NRXN1: variants seen among roughly 807,000 people sequenced by gnomAD.
NRXN1 encodes neurexin-1.
In NRXN1, 39 loss-of-function variants were observed where a neutral mutation model predicts 150.9. That is an observed-to-expected ratio of 0.26 (90% CI 0.20 to 0.34). NRXN1 has a LOEUF of 0.34. Ranked by LOEUF, NRXN1 falls within the 10% of genes least tolerant of loss-of-function variation. The pLI is 1.00. For synonymous variants in NRXN1, 924 were observed against 757.0 expected (o/e 1.22, Z -3.62); for missense variants, 1,815 against 1,949.9 (o/e 0.93, Z 1.30).
chr2:50,325,002 G>A (rs979393681), intron 17 of NRXN1, among the ~76,000 whole-genome samples: 1 of 152,046 alleles, frequency 6.6e-6, no homozygotes, highest in African/African-American at 2.4e-5. Context: ...GCCCACCATG[G>A]GTTTAAAAAT....
At chr2:50,307,114 A>G (rs966636268) in intron 17 of NRXN1, among the ~76,000 whole-genome samples, 1 of 152,126 alleles carries the variant, frequency 6.6e-6, no homozygotes, top group Middle Eastern at 3.4e-3. Flanking sequence ...CCTCCTGAGC[A>G]TCTGGGACTA....
At chr2:50,457,548 G>T (rs2087696714) in intron 17 of NRXN1, among the ~76,000 whole-genome samples, 4 of 152,028 alleles carry the variant, frequency 2.6e-5, no homozygotes, top group Admixed American at 2.6e-4. Context: ...GAAAATATTT[G>T]CAGACTATTA....
At chr2:50,241,914 C>T (rs965879966) in intron 17 of NRXN1, among the ~76,000 whole-genome samples, 1 of 151,748 alleles carries the variant, frequency 6.6e-6, no homozygotes, top group African/African-American at 2.4e-5. Flanking sequence ...TCAGCATGTA[C>T]AGGTCTGCTC....
chr2:50,361,093 C>G (rs2079155587), intron 17 of NRXN1, among the ~76,000 whole-genome samples: 1 of 152,178 alleles, frequency 6.6e-6, no homozygotes, highest in Non-Finnish European at 1.5e-5. Flanking sequence ...GTACCAGCAT[C>G]TCTAGGACAC....
chr2:50,961,412 A>G (rs532358961), intron 2 of NRXN1, among the ~76,000 whole-genome samples: 168 of 151,922 alleles, frequency 1.1e-3, no homozygotes, highest in African/African-American at 4.0e-3. Context: ...TATATATGAG[A>G]TGGATCCATC....
chr2:50,614,541 A>G (rs982913744), intron 8 of NRXN1, among the ~76,000 whole-genome samples: 1 of 151,624 alleles, frequency 6.6e-6, no homozygotes, highest in Non-Finnish European at 1.5e-5. Context: ...AATGTAAATG[A>G]CGAGTTAATG....
chr2:50,293,338 A>G (rs977783346), intron 17 of NRXN1, among the ~76,000 whole-genome samples: 1 of 152,148 alleles, frequency 6.6e-6, no homozygotes, highest in African/African-American at 2.4e-5. Context: ...AGTGCCTTTC[A>G]TATTCACATA....
At chr2:50,654,858 A>G (rs1047836524) in intron 5 of NRXN1, among the ~76,000 whole-genome samples, 3 of 151,916 alleles carry the variant, frequency 2.0e-5, no homozygotes, top group Non-Finnish European at 4.4e-5. Context: ...ATATCCTTCA[A>G]TCTAATCAGT....
intron 22 of NRXN1, among the ~76,000 whole-genome samples, chr2:49,940,417 G>A (rs542273419): frequency 6.6e-6 from 1 of 152,154 alleles, no homozygotes; most frequent in Non-Finnish European, 1.5e-5. Context: ...AACAGCAGCA[G>A]CTACAATTAT....
At chr2:50,794,864 T>C (rs183462520) in intron 5 of NRXN1, among the ~76,000 whole-genome samples, 1 of 152,256 alleles carries the variant, frequency 6.6e-6, no homozygotes, top group Admixed American at 6.5e-5. Flanking sequence ...GTCAATATTA[T>C]GGCTGAAAAC....
chr2:50,829,537 A>T, intron 5 of NRXN1: 2 of 1,610,582 alleles, frequency 1.2e-6, no homozygotes. Context: ...ATGGCCTTAT[A>T]AGGGATCTTA....
chr2:50,056,513 C>A (rs949489064), intron 19 of NRXN1, among the ~76,000 whole-genome samples: 2 of 152,010 alleles, frequency 1.3e-5, no homozygotes, highest in Non-Finnish European at 1.5e-5. Flanking sequence ...TCTGTGATCA[C>A]TAAAACATTG....
chr2:50,485,936 A>C (rs1334908828), intron 15 of NRXN1, among the ~76,000 whole-genome samples: 1 of 152,240 alleles, frequency 6.6e-6, no homozygotes, highest in Non-Finnish European at 1.5e-5. Flanking sequence ...CCAGTGACTG[A>C]CCAAAGCAGA....
At chr2:50,337,083 C>CTT (rs768582035) in intron 17 of NRXN1, among the ~76,000 whole-genome samples, 5 of 133,074 alleles carry the variant, frequency 3.8e-5, no homozygotes, top group Non-Finnish European at 8.1e-5. Flanking sequence ...TTTTCTTTTT[C>CTT]TTTTTTTTTT....
chr2:50,032,930 C>T (rs1212379129), intron 21 of NRXN1, among the ~76,000 whole-genome samples: 1 of 150,884 alleles, frequency 6.6e-6, no homozygotes, highest in Non-Finnish European at 1.5e-5. Context: ...CTTTTATACA[C>T]ACACATAATA....
intron 5 of NRXN1, among the ~76,000 whole-genome samples, chr2:50,720,844 C>A (rs1236220908): frequency 1.3e-5 from 2 of 152,094 alleles, no homozygotes; most frequent in Non-Finnish European, 2.9e-5. Context: ...ATTCCCTCTC[C>A]CACCCCATCA....
At position 50,346,087 on chromosome 2, in the gene NRXN1, G is replaced by C. The variant is rs147004249; in HGVS notation, c.3365-109117C>G. 1.3e-5 allele frequency among the ~76,000 whole-genome samples: 2 copies of C among 152,308 alleles called. No individual in the cohort carries two copies. Among genetic ancestry groups the C allele is most frequent in the African/African-American group, 2.4e-5 (1 of 41,578 alleles). ...TGGCCCGCATTAAAGGGGATGACTC[G>C]GTTGCCCTCCTAGCTTTTCTAATTA... On this transcript the variant is annotated intron_variant, in intron 17 of 22. Transcript: ENST00000401669. The surrounding 1 kb of genome is among the most constrained non-coding windows in gnomAD (Gnocchi z 5.0).
chr2:50,734,826 T>C (rs544991694), intron 5 of NRXN1, among the ~76,000 whole-genome samples: 1 of 152,194 alleles, frequency 6.6e-6, no homozygotes, highest in African/African-American at 2.4e-5. Flanking sequence ...TACATTTCAG[T>C]ACTAAATTAT....
intron 22 of NRXN1, among the ~76,000 whole-genome samples, chr2:49,937,586 G>A (rs1436313670): frequency 6.6e-6 from 1 of 152,138 alleles, no homozygotes; most frequent in Non-Finnish European, 1.5e-5. Context: ...AACCCAGCTA[G>A]CACATCAGTT....
Sources: gnomAD v4.1 joint callset for allele counts (sites outside exome capture counted in the v4.1 genomes callset) on GRCh38, gnomAD v4.1.1 for gene constraint, Gnocchi (gnomAD v3.1) non-coding constraint, MANE v1.5 for transcripts, NCBI Gene and HGNC (gene_info 2026-07-23, HGNC 2026-07-21) for gene names.